The following TOMM70 variants were observed in gnomAD, a reference collection of about 807,000 sequenced individuals.
TOMM70 encodes the protein mitochondrial import receptor subunit TOM70.
Under a neutral mutation model 73.6 loss-of-function variants are expected in TOMM70, and 13 were observed. The ratio of observed to expected loss-of-function variants is 0.18; its 90% CI spans 0.11 to 0.28. The LOEUF is 0.28. TOMM70 is among the 10% of genes least tolerant of loss of function. The pLI is 1.00. For synonymous variants in TOMM70, 257 were observed against 271.2 expected, an observed-to-expected ratio of 0.95 and a Z score of 0.51; for missense variants, 609 against 747.5, an observed-to-expected ratio of 0.81 and a Z score of 2.16.
chr3:100,400,388 G>A (rs558446938), intron 1 of TOMM70, among the ~76,000 whole-genome samples: 23 of 152,302 alleles, frequency 1.5e-4, no homozygotes, highest in African/African-American at 4.8e-4. Context: ...GTGTCACTGA[G>A]AAGAAAAGCA....
chr3:100,392,300 T>TACAC (rs35564715), intron 1 of TOMM70, among the ~76,000 whole-genome samples: 2 of 152,066 alleles, frequency 1.3e-5, no homozygotes, highest in African/African-American at 4.8e-5. Flanking sequence ...CAACTGCATA[T>TACAC]ACACACACAC....
chr3:100,367,993 C>G (rs1187739429), intron 11 of TOMM70, 51 bp downstream of exon 11: 13 of 1,568,274 alleles, frequency 8.3e-6, no homozygotes, highest in Non-Finnish European at 1.1e-5. Flanking sequence ...GAACAAAAAG[C>G]TAAATATCTA....
At chr3:100,380,405 C>G (rs548451643) in intron 5 of TOMM70, among the ~76,000 whole-genome samples, 3 of 152,208 alleles carry the variant, frequency 2.0e-5, no homozygotes, top group East Asian at 1.9e-4. Flanking sequence ...AGTAATCCCA[C>G]TTACTGAAGA....
In TOMM70 at chr3:100,394,406, G is replaced by A. The variant is rs141830519; in HGVS notation, c.324+6220C>T. 1.3e-3 allele frequency among the ~76,000 whole-genome samples: 186 copies of A among 144,482 alleles called. 3 individuals are homozygous for A. Among genetic ancestry groups the A allele is most frequent in the Admixed American group, 7.3e-5 (1 of 13,792 alleles). The allele number at this position is 144,482 out of a possible 152,430, so 94.8% of individuals were successfully genotyped here. ...GATAGAGTTTTGCTCTGTCGCCCAG[G>A]GGGGCACGATGTCCACTCACTGCAA... On this transcript the variant is annotated intron_variant, in intron 1 of 11. Coordinates refer to ENST00000284320, the MANE Select transcript of TOMM70 (RefSeq NM_014820.5).
Position 100,400,986 on chromosome 3 carries a change from C to T in TOMM70, c.-37G>A, listed in dbSNP as rs1302280342. 3.5e-5 allele frequency: 54 copies of T among 1,521,334 alleles called. No homozygotes were observed. The highest frequency in any genetic ancestry group is 4.4e-5 in the Non-Finnish European group (50 of 1,138,730). The allele number at this position is 1,521,334 out of a possible 1,614,324, so 94.2% of individuals were successfully genotyped here. A position where few individuals can be genotyped will look rare whatever the true frequency, so the allele number is the denominator to read the frequency against. On this transcript the variant is annotated 5_prime_UTR_variant, in exon 1 of 12. Transcript: ENST00000284320. ...TCTGCCACCGCCTCCCTGTCTGTCG[C>T]GAGCGCCACAATCACCAAACAGCGT...
At chr3:100,394,940 ACAAC>A (rs1376832199) in intron 1 of TOMM70, among the ~76,000 whole-genome samples, 1 of 152,240 alleles carries the variant, frequency 6.6e-6, no homozygotes, top group Non-Finnish European at 1.5e-5. Context: ...TTTAAAAATG[ACAAC>A]CAACCCCACC....
intron 1 of TOMM70, among the ~76,000 whole-genome samples, chr3:100,394,919 C>T (rs531640322): frequency 3.9e-5 from 6 of 152,236 alleles, no homozygotes; most frequent in South Asian, 2.1e-4. Flanking sequence ...TCCCATTTCA[C>T]GTCTGGAAAT....
At chr3:100,389,656 CAT>C (rs10593478) in intron 1 of TOMM70, among the ~76,000 whole-genome samples, 24,776 of 152,194 alleles carry the variant, frequency 0.16, 2,659 homozygotes, top group Non-Finnish European at 0.24. Context: ...AAAAGCATCA[CAT>C]GATGTCCAGA....
rs1283168602 is a variant in TOMM70, at chr3:100,375,064, G to A, written c.1181C>T (p.Ala394Val). The change falls in exon 7 of 12, where the codon GCT becomes GTT. Residue 394 changes from alanine to valine, a missense_variant. By Grantham distance (64) the Ala-to-Val change is moderately conservative. This residue lies in a region of TOMM70 where 432 missense variants were observed against 584.1 expected (regional missense o/e 0.74). Coordinates refer to ENST00000284320, the MANE Select transcript of TOMM70 (RefSeq NM_014820.5). The part of the protein sequence containing the change: ...LLSTQDFNMA[A>V]DIDPQNADVY... The stretch of plus-strand genomic sequence containing the variant: ...ATCTGCATTCTGAGGATCGATGTCA[G>A]CAGCCATGTTAAAATCTTGAGTGGA... The A allele has an allele frequency of 1.2e-6, 2 of 1,609,376 alleles. No homozygotes were observed. Among genetic ancestry groups the A allele is most frequent in the South Asian group, 2.2e-5 (2 of 89,886 alleles).
intron 3 of TOMM70, 151 bp downstream of exon 3, chr3:100,386,067 A>C: frequency 1.3e-6 from 1 of 767,906 alleles, no homozygotes; most frequent in East Asian, 2.7e-5. Context: ...CAGCAATCTT[A>C]CTTTAAACTA....
rs769040550 is a variant in TOMM70 at position 100,400,738 on chromosome 3, C to T, written c.212G>A (p.Arg71Gln). The change falls in exon 1 of 12, where the codon CGG becomes CAG. Residue 71 changes from arginine to glutamine, a missense_variant. By Grantham distance (43) the Arg-to-Gln change is conservative (BLOSUM62 1). Transcript: ENST00000284320. ...GCGCTTCAGGCCGCTGGCGTCGCCC[C>T]GGCCTCTGGCCTCCCGGCGCCGTTG... is the stretch of plus-strand genomic sequence containing the variant. Reference protein sequence around the residue: ...RQQRRREARGRGDASGLKRNS... With the variant: ...RQQRRREARGQGDASGLKRNS... 6 of 1,603,806 alleles carry T rather than the reference C, an allele frequency of 3.7e-6. No individual in the cohort carries two copies. The South Asian group carries it at 6.7e-5, about 18-fold the overall frequency.
intron 1 of TOMM70, among the ~76,000 whole-genome samples, chr3:100,397,888 C>CA (rs1299644342): frequency 1.0e-3 from 143 of 138,076 alleles, no homozygotes; most frequent in African/African-American, 3.3e-3. Context: ...GACTCCGTAT[C>CA]AAAAAAAAAA....
At chr3:100,374,786 A>C (rs997368654) in intron 7 of TOMM70, among the ~76,000 whole-genome samples, 1 of 152,226 alleles carries the variant, frequency 6.6e-6, no homozygotes, top group African/African-American at 2.4e-5. Context: ...CTGGTAAGCC[A>C]ACAGTTTTTG....
intron 3 of TOMM70, 46 bp from the exon 4 acceptor site, chr3:100,384,634 A>C (rs367671336): frequency 1.5e-6 from 2 of 1,375,212 alleles, no homozygotes; most frequent in African/African-American, 1.4e-5. Context: ...ATTATTGCAA[A>C]GATGGTCAGC....
chr3:100,384,194 A>C (rs1706666114), intron 4 of TOMM70, among the ~76,000 whole-genome samples: 1 of 152,232 alleles, frequency 6.6e-6, no homozygotes, highest in South Asian at 2.1e-4. Context: ...AACATTATTT[A>C]TAAAAACAGG....
chr3:100,384,787 A>G (rs544813228), intron 3 of TOMM70, among the ~76,000 whole-genome samples, 199 bp from the exon 4 acceptor site: 2 of 152,028 alleles, frequency 1.3e-5, no homozygotes, highest in Admixed American at 6.5e-5. Flanking sequence ...AAGTCACTCC[A>G]CTTCTCTGGG....
chr3:100,369,154 C>T lies in TOMM70; in HGVS notation c.1453-19G>A. ...TTAATGCCTATGTGAGGAGATACTT[C>T]AGTTATATTAAGGTAACCGTCAACC... On this transcript the variant is annotated intron_variant, in intron 9 of 11. Coordinates refer to ENST00000284320, the MANE Select transcript of TOMM70 (RefSeq NM_014820.5). 1 of 1,557,580 alleles carries T rather than the reference C, an allele frequency of 6.4e-7. No individual in the cohort carries two copies. Among genetic ancestry groups the T allele is most frequent in the Non-Finnish European group, 8.8e-7 (1 of 1,130,408 alleles).
chr3:100,371,511 C>T (rs1209046942), intron 9 of TOMM70, among the ~76,000 whole-genome samples: 1 of 152,032 alleles, frequency 6.6e-6, no homozygotes, highest in Admixed American at 6.6e-5. Flanking sequence ...AAGTGATCCG[C>T]CTGCCTCAGC....
intron 1 of TOMM70, among the ~76,000 whole-genome samples, chr3:100,391,271 C>CT (rs1430902243): frequency 3.3e-5 from 5 of 152,100 alleles, no homozygotes; most frequent in South Asian, 2.1e-4. Flanking sequence ...TATACTCCTA[C>CT]TTTTTTTTAA....
Sources: gnomAD v4.1 joint callset for allele counts (sites outside exome capture counted in the v4.1 genomes callset) on GRCh38, gnomAD v4.1.1 for gene constraint, gnomAD v4.1.1 regional missense constraint, MANE v1.5 for transcripts, NCBI Gene and HGNC (gene_info 2026-07-23, HGNC 2026-07-21) for gene names.